The following MIGA2 variants were observed in gnomAD, a reference collection of about 807,000 sequenced individuals.
MIGA2 encodes the protein family with sequence similarity 73, member B.
MIGA2 carries 36 observed loss-of-function variants against 69.9 expected under a neutral mutation model. The ratio of observed to expected loss-of-function variants is 0.52; its 90% CI spans 0.39 to 0.68. MIGA2 has a LOEUF of 0.68. Ranked by LOEUF, MIGA2 falls within the 30% of genes least tolerant of loss-of-function variation. The probability of loss-of-function intolerance (pLI) is 0.00; values close to 1 mark genes in which losing one functional copy is unlikely to be tolerated. For missense variants in MIGA2, 660 were observed against 787.7 expected (o/e 0.84, Z 1.94); for synonymous variants, 333 against 349.2 (o/e 0.95, Z 0.52).
intron 6 of MIGA2, among the ~76,000 whole-genome samples, chr9:129,057,126 C>T (rs537618226): frequency 1.7e-4 from 26 of 152,252 alleles, no homozygotes; most frequent in African/African-American, 5.3e-4. Context: ...TGCCTTAAAT[C>T]TAGTGCTCAC....
Position 129,070,343 on chromosome 9 carries a change from C to T in MIGA2, c.1672C>T (p.Arg558Trp), listed in dbSNP as rs776480813. The T allele has an allele frequency of 1.1e-5, 17 of 1,612,964 alleles. No individual in the cohort carries two copies. The highest frequency in any genetic ancestry group is 4.5e-5 in the East Asian group (2 of 44,898). ...ALADDILQLS[R>W]RRSEILLGYL... Reference sequence around the variant, plus strand: ...GGCAGACGACATCCTGCAGCTGTCCCGGCGCCGCAGCGAGATATTGCTGGG... The same window carrying T: ...GGCAGACGACATCCTGCAGCTGTCCTGGCGCCGCAGCGAGATATTGCTGGG... The change falls in exon 16 of 16, where the codon CGG (arginine) becomes TGG (tryptophan). Residue 558 changes from arginine (R) to tryptophan (W), a missense_variant. Physicochemically the swap from Arg to Trp is moderately radical, Grantham distance 101 (BLOSUM62 -3). Coordinates refer to ENST00000684074, the MANE Select transcript of MIGA2 (RefSeq NM_001329990.2).
rs1374025968 is a variant in MIGA2 at position 129,071,966 on chromosome 9, T to G, written c.*1513T>G. 6.5e-6 allele frequency: 1 copy of G among 152,722 alleles called. No individual in the cohort carries two copies. Among genetic ancestry groups the G allele is most frequent in the Non-Finnish European group, 1.5e-5 (1 of 68,062 alleles). 9.5% of individuals were successfully genotyped at this position (152,722 alleles called of 1,614,324 possible). A position where few individuals can be genotyped will look rare whatever the true frequency, so the allele number is the denominator to read the frequency against. ...CTCTGATTTGCATTTTCATTTGTGT[T>G]TGTTTACACATCCATGCACTGCCTG... On this transcript the variant is annotated 3_prime_UTR_variant, in exon 16 of 16. Coordinates refer to ENST00000684074, the MANE Select transcript of MIGA2 (RefSeq NM_001329990.2).
chr9:129,069,180 T>C lies in MIGA2; in HGVS notation c.1458+51T>C, dbSNP rs1373982587. The C allele has an allele frequency of 6.2e-7, 1 of 1,611,124 alleles. No individual in the cohort carries two copies. The highest frequency in any genetic ancestry group is 1.7e-5 in the Admixed American group (1 of 60,010). ...GCACGAGCTGGGCTCTGAGGCAGCGTGGTGGGGAGCGGAGCGGGTGCAGGG... is the reference window on the plus strand; with the variant it reads ...GCACGAGCTGGGCTCTGAGGCAGCGCGGTGGGGAGCGGAGCGGGTGCAGGG... On this transcript the variant is annotated intron_variant, in intron 14 of 15. Coordinates refer to ENST00000684074, the MANE Select transcript of MIGA2 (RefSeq NM_001329990.2). This position sits in a 1 kb window ranked among gnomAD's most constrained non-coding sequence, Gnocchi z 4.9.
Position 129,059,340 on chromosome 9 carries a change from G to C in MIGA2, c.793+69G>C. The C allele has an allele frequency of 7.8e-7, 1 of 1,280,820 alleles. No homozygotes were observed. The highest frequency in any genetic ancestry group is 2.1e-5 in the Admixed American group (1 of 48,128). The allele number at this position is 1,280,820 out of a possible 1,614,324, so 79.3% of individuals were successfully genotyped here. ...AGGGATGGAGGTGAGGAGAAGTTGC[G>C]AGAACCGGGTCGTGGTTCTCTCAGT... On this transcript the variant is annotated intron_variant, in intron 7 of 15. Transcript: ENST00000684074. The surrounding 1 kb of genome is among the most constrained non-coding windows in gnomAD (Gnocchi z 5.6).
chr9:129,048,572 A>T, intron 4 of MIGA2, 33 bp downstream of exon 4: 2 of 1,571,640 alleles, frequency 1.3e-6, no homozygotes, highest in Non-Finnish European at 1.8e-6. Flanking sequence ...CCAGGGCTCC[A>T]GGTCCGGGCT....
intron 6 of MIGA2, among the ~76,000 whole-genome samples, chr9:129,054,492 A>G (rs1232966349): frequency 6.6e-6 from 1 of 152,110 alleles, no homozygotes; most frequent in Admixed American, 6.6e-5. Context: ...AAGAAACCCC[A>G]TGTACTTTGG....
intron 11 of MIGA2, chr9:129,067,528 C>T (rs17508370): frequency 0.024 from 12,768 of 529,094 alleles, 453 homozygotes; most frequent in South Asian, 0.09. Context: ...CACACTGTCA[C>T]ACTGGGCACT....
chr9:129,040,358 C>T, intron 1 of MIGA2, 94 bp from the exon 2 acceptor site: 1 of 922,808 alleles, frequency 1.1e-6, no homozygotes, highest in South Asian at 3.2e-5. Context: ...AAGCTTTGCT[C>T]CTGCCTCCTC....
rs1163655781 is a variant in MIGA2, at chr9:129,072,045, CTG to C, written c.*1595_*1596del. ...TTGGATGGTAGAGTGTGTGCACTGA[CTG>C]TGAGTCGAATAAACAATTGAGACGA... On this transcript the variant is annotated 3_prime_UTR_variant, in exon 16 of 16. Transcript: ENST00000684074. 1.3e-5 allele frequency: 2 copies of C among 152,654 alleles called. No individual in the cohort carries two copies. The highest frequency in any genetic ancestry group is 2.9e-5 in the Non-Finnish European group (2 of 68,058). 9.5% of individuals were successfully genotyped at this position (152,654 alleles called of 1,614,324 possible). A position where few individuals can be genotyped will look rare whatever the true frequency, so the allele number is the denominator to read the frequency against.
In MIGA2 at chr9:129,068,836, A is replaced by G. The variant is rs1005631245; in HGVS notation, c.1405-240A>G. The G allele has an allele frequency of 1.6e-5, 9 of 565,210 alleles. No individual in the cohort carries two copies. The highest frequency in any genetic ancestry group is 2.6e-5 in the Non-Finnish European group (8 of 313,158). 35.0% of individuals were successfully genotyped at this position (565,210 alleles called of 1,614,324 possible). On this transcript the variant is annotated intron_variant, in intron 13 of 15. Transcript: ENST00000684074. The surrounding 1 kb of genome is among the most constrained non-coding windows in gnomAD (Gnocchi z 4.1). ...GGAGTGCTGTGTTGTGCCCCTTTAC[A>G]GAAGAGGAGACCGAGGCTCAGAGAA...
rs1377494193 is a variant in MIGA2, at chr9:129,058,755, C to A, written c.676-399C>A. ...CCTTGTGATCTGCCCACCTCGGCCACCCAAAATGCTGGGATTACAGGCGTG... is the reference window on the plus strand; with the variant it reads ...CCTTGTGATCTGCCCACCTCGGCCAACCAAAATGCTGGGATTACAGGCGTG... On this transcript the variant is annotated intron_variant, in intron 6 of 15. Transcript: ENST00000684074. Among the ~76,000 whole-genome samples the A allele has an allele frequency of 7.9e-5, 12 of 152,252 alleles. No homozygotes were observed. The East Asian group carries it at 9.7e-4, about 12-fold the overall frequency.
intron 3 of MIGA2, among the ~76,000 whole-genome samples, chr9:129,043,509 C>T (rs2131344397): frequency 6.6e-6 from 1 of 151,418 alleles, no homozygotes. Flanking sequence ...GCTTCAGCCT[C>T]TCGAAAAGCT....
In MIGA2 at chr9:129,068,273, C is replaced by T. The variant is rs768507883; in HGVS notation, c.1345C>T (p.Pro449Ser). ...MDAFEDLENPPASVLAVLRNR... is the reference protein window; with the variant it reads ...MDAFEDLENPSASVLAVLRNR... ...CGCCTTCGAGGACCTGGAGAACCCT[C>T]CGGCCTCGGTGCTCGCCGTCCTGCG... The change falls in exon 13 of 16, where the codon CCG (proline) becomes TCG (serine). Residue 449 changes from proline (P) to serine (S), a missense_variant. Physicochemically the swap from Pro to Ser is moderately conservative, Grantham distance 74. Coordinates refer to ENST00000684074, the MANE Select transcript of MIGA2 (RefSeq NM_001329990.2). This position sits in a 1 kb window ranked among gnomAD's most constrained non-coding sequence, Gnocchi z 4.1. 8 of 1,612,908 alleles carry T rather than the reference C, an allele frequency of 5.0e-6. No individual in the cohort carries two copies. The highest frequency in any genetic ancestry group is 2.5e-6 in the Non-Finnish European group (3 of 1,179,958).
chr9:129,054,670 C>T (rs1173874931), intron 6 of MIGA2, among the ~76,000 whole-genome samples: 1 of 152,160 alleles, frequency 6.6e-6, no homozygotes, highest in Admixed American at 6.5e-5. Context: ...CAAGGTTCAT[C>T]TGTGTTGCAG....
In MIGA2 at chr9:129,061,150, G is replaced by A. The variant is rs556772940; in HGVS notation, c.895-81G>A. The A allele has an allele frequency of 1.8e-5, 23 of 1,261,632 alleles. No individual in the cohort carries two copies. In the African/African-American group the frequency reaches 2.1e-4, roughly 11 times the overall value. 78.2% of individuals were successfully genotyped at this position (1,261,632 alleles called of 1,614,324 possible). A position where few individuals can be genotyped will look rare whatever the true frequency, so the allele number is the denominator to read the frequency against. On this transcript the variant is annotated intron_variant, in intron 8 of 15. Coordinates refer to ENST00000684074, the MANE Select transcript of MIGA2 (RefSeq NM_001329990.2). The surrounding 1 kb of genome is among the most constrained non-coding windows in gnomAD (Gnocchi z 5.0). Reference sequence around the variant, plus strand: ...GGCACCTGGGGTGGCCGCTGTGGCCGACCAATGGGCAGGTGCCCTTGCGCC... The same window carrying A: ...GGCACCTGGGGTGGCCGCTGTGGCCAACCAATGGGCAGGTGCCCTTGCGCC...
chr9:129,049,754 T>G (rs1845419340), intron 5 of MIGA2, 73 bp from the exon 6 acceptor site: 2 of 1,605,364 alleles, frequency 1.2e-6, no homozygotes, highest in South Asian at 2.2e-5. Context: ...CCTGCCTCCT[T>G]GATGTTCTGA....
chr9:129,068,452 G>A lies in MIGA2; in HGVS notation c.1404+120G>A, dbSNP rs747916601. The A allele has an allele frequency of 1.9e-5, 27 of 1,404,704 alleles. No homozygotes were observed. Among genetic ancestry groups the A allele is most frequent in the African/African-American group, 8.6e-5 (6 of 70,134 alleles). 87.0% of individuals were successfully genotyped at this position (1,404,704 alleles called of 1,614,324 possible). ...GGCTGGGCCCCCACCCCCTAGATCC[G>A]CGGCTGCCAGGCCTGGGAGACCAGA... is the stretch of plus-strand genomic sequence containing the variant. On this transcript the variant is annotated intron_variant, in intron 13 of 15. Coordinates refer to ENST00000684074, the MANE Select transcript of MIGA2 (RefSeq NM_001329990.2). The surrounding 1 kb of genome is among the most constrained non-coding windows in gnomAD (Gnocchi z 4.1).
At chr9:129,039,111 A>G (rs915255952) in intron 1 of MIGA2, among the ~76,000 whole-genome samples, 12 of 150,910 alleles carry the variant, frequency 8.0e-5, no homozygotes, top group African/African-American at 2.4e-5. Context: ...AATTCTAATG[A>G]TTCAGTGAGA....
In MIGA2 at chr9:129,042,515, G is replaced by A; in HGVS notation, c.307+1G>A. The A allele has an allele frequency of 6.4e-7, 1 of 1,556,458 alleles. No homozygotes were observed. The highest frequency in any genetic ancestry group is 8.7e-7 in the Non-Finnish European group (1 of 1,152,786). ...AGGAAGGTCCCTTCAGTGAAGAAAG[G>A]TAGGTGTGAGGTGGTGGGCATAGGC... On this transcript the variant is annotated splice_donor_variant, in intron 3 of 15. Transcript: ENST00000684074. LOFTEE classifies it high-confidence loss of function.
Sources: gnomAD v4.1 joint callset for allele counts (sites outside exome capture counted in the v4.1 genomes callset) on GRCh38, gnomAD v4.1.1 for gene constraint, Gnocchi (gnomAD v3.1) non-coding constraint, MANE v1.5 for transcripts, NCBI Gene and HGNC (gene_info 2026-07-23, HGNC 2026-07-21) for gene names.